PAK3: variants seen among roughly 807,000 people sequenced by gnomAD.
PAK3 encodes p21 (RAC1) activated kinase 3, also known as serine/threonine-protein kinase PAK 3.
Under a neutral mutation model 41.0 loss-of-function variants are expected in PAK3, and 4 were observed. The observed-to-expected ratio is 0.10, with a 90% CI of 0.05 to 0.22. The LOEUF (loss-of-function observed/expected upper bound fraction) is 0.22. Among genes scored for constraint, PAK3 ranks in the 10% least tolerant of loss-of-function variants. PAK3 has a pLI of 1.00. For synonymous variants in PAK3, 146 were observed against 139.6 expected (o/e 1.05, Z -0.32); for missense variants, 205 against 409.9 (o/e 0.50, Z 4.32).
At chrX:111,093,519 C>A (rs1429585920), upstream of PAK3, among the ~76,000 whole-genome samples, 1 of 111,995 alleles carries the variant, frequency 8.9e-6, no homozygotes, top group Non-Finnish European at 1.9e-5. Context: ...AGATTGGAAT[C>A]CCTTCCTGAG....
chrX:111,217,866 A>C (rs2094895970), intron 17 of PAK3, among the ~76,000 whole-genome samples: 1 of 112,299 alleles, frequency 8.9e-6, no homozygotes, highest in Non-Finnish European at 1.9e-5. Flanking sequence ...GGATAATTGA[A>C]GGTGTAGGTT....
rs773913684 is a variant in PAK3 at position 111,030,808 on chromosome X, C to T, written c.-28+86180C>T. 3.6e-5 allele frequency among the ~76,000 whole-genome samples: 4 copies of T among 111,372 alleles called. No individual in the cohort carries two copies. The South Asian group carries it at 1.5e-3, about 42-fold the overall frequency. ...TGGTTATTTTCCACTTCTTTAATTA[C>T]ATTTTAAATGTACCTAACAGTGATA... On this transcript the variant is annotated intron_variant, in intron 1 of 14. Coordinates refer to the PAK3 transcript ENST00000425146.
intron 1 of PAK3, among the ~76,000 whole-genome samples, chrX:111,061,991 T>A (rs112335127): frequency 0.02 from 2,189 of 110,123 alleles, 59 homozygotes; most frequent in African/African-American, 0.069. Flanking sequence ...ATTTTTTAAA[T>A]TTTTTTTGTA....
At chrX:110,963,349 G>C (rs1602555763) in intron 1 of PAK3, among the ~76,000 whole-genome samples, 2 of 112,015 alleles carry the variant, frequency 1.8e-5, no homozygotes, top group Non-Finnish European at 3.8e-5. Context: ...TTTGTTCTCA[G>C]GGCAGCTTAG....
intron 17 of PAK3, chrX:111,217,707 G>A (rs1324152690): frequency 1.7e-6 from 1 of 595,857 alleles, no homozygotes; most frequent in Non-Finnish European, 2.0e-6. Flanking sequence ...GTCAAATCTG[G>A]AATGGCCCTT....
chrX:111,185,759 G>A (rs2094504113), intron 11 of PAK3, among the ~76,000 whole-genome samples: 1 of 110,915 alleles, frequency 9.0e-6, no homozygotes, highest in African/African-American at 3.3e-5. Flanking sequence ...TGGTGTTTTG[G>A]TTACTGTAGC....
At chrX:111,131,826 T>C (rs987496733) in intron 5 of PAK3, among the ~76,000 whole-genome samples, 26 of 111,854 alleles carry the variant, frequency 2.3e-4, no homozygotes, top group Non-Finnish European at 1.3e-4. Flanking sequence ...GCCTGCCTCT[T>C]TGAAACCTGC....
chrX:111,059,896 T>G (rs1410122435), intron 1 of PAK3, among the ~76,000 whole-genome samples: 5 of 112,015 alleles, frequency 4.5e-5, no homozygotes, highest in Non-Finnish European at 9.4e-5. Context: ...TTTTACTTCT[T>G]TCTTTCCAAT....
chrX:111,192,430 T>A, intron 12 of PAK3, 76 bp from the exon 13 acceptor site: 1 of 617,689 alleles, frequency 1.6e-6, no homozygotes, highest in Non-Finnish European at 2.7e-6. Flanking sequence ...TGTTTCACTC[T>A]ATGTCCCCCA....
intron 1 of PAK3, among the ~76,000 whole-genome samples, chrX:111,080,934 C>T (rs972555504): frequency 9.0e-6 from 1 of 111,373 alleles, no homozygotes; most frequent in Non-Finnish European, 1.9e-5. Flanking sequence ...TTTGTGACAA[C>T]ATGGATGAAC....
At chrX:111,025,828 A>G (rs768700704) in intron 1 of PAK3, among the ~76,000 whole-genome samples, 27 of 105,770 alleles carry the variant, frequency 2.6e-4, no homozygotes, top group Middle Eastern at 4.8e-3. Context: ...CAAAACCAGG[A>G]AAGGATATAA....
intron 11 of PAK3, among the ~76,000 whole-genome samples, chrX:111,175,784 G>A (rs2094398347): frequency 8.9e-6 from 1 of 111,949 alleles, no homozygotes; most frequent in African/African-American, 3.2e-5. Flanking sequence ...GTAACAAAGA[G>A]ATTTCCTCTC....
intron 1 of PAK3, among the ~76,000 whole-genome samples, chrX:111,010,710 C>A (rs1031001265): frequency 4.4e-4 from 49 of 111,720 alleles, no homozygotes; most frequent in African/African-American, 1.4e-3. Flanking sequence ...TTCCTGAAGC[C>A]CTCACCAGAA....
intron 4 of PAK3, among the ~76,000 whole-genome samples, chrX:111,120,126 A>G (rs940591237): frequency 8.9e-5 from 10 of 112,358 alleles, no homozygotes; most frequent in Non-Finnish European, 1.9e-5. Flanking sequence ...GGTGTATTCC[A>G]GCTCCTCTTA....
chrX:111,157,181 G>A (rs759434283), intron 8 of PAK3, among the ~76,000 whole-genome samples: 1 of 111,532 alleles, frequency 9.0e-6, no homozygotes, highest in African/African-American at 3.3e-5. Context: ...AGTAGATCTG[G>A]AGTAGAAACC....
chrX:111,208,693 A>G (rs749202654), intron 16 of PAK3, among the ~76,000 whole-genome samples: 3 of 112,068 alleles, frequency 2.7e-5, no homozygotes, highest in Non-Finnish European at 5.6e-5. Context: ...TATGATGTTC[A>G]CAAAACGATG....
intron 1 of PAK3, among the ~76,000 whole-genome samples, chrX:110,967,713 C>G (rs1166223222): frequency 8.9e-6 from 1 of 112,264 alleles, no homozygotes; most frequent in Non-Finnish European, 1.9e-5. Flanking sequence ...AAAAACATTT[C>G]ACTTTTAAAT....
chrX:110,956,872 G>T (rs2090871355), intron 1 of PAK3, among the ~76,000 whole-genome samples: 1 of 111,885 alleles, frequency 8.9e-6, no homozygotes, highest in Non-Finnish European at 1.9e-5. Context: ...CAATAGAGCT[G>T]GGAATTAAGC....
chrX:111,000,654 T>A (rs2091831083), intron 1 of PAK3, among the ~76,000 whole-genome samples: 1 of 112,245 alleles, frequency 8.9e-6, no homozygotes, highest in Non-Finnish European at 1.9e-5. Flanking sequence ...GTTTCAATAA[T>A]CTTAGTATTA....
Sources: gnomAD v4.1 joint callset for allele counts (sites outside exome capture counted in the v4.1 genomes callset) on GRCh38, gnomAD v4.1.1 for gene constraint, MANE v1.5 for transcripts, NCBI Gene and HGNC (gene_info 2026-07-23, HGNC 2026-07-21) for gene names.